Variants in CELF2 observed in about 807,000 individuals in gnomAD.
The protein encoded by CELF2 is CUGBP Elav-like family member 2, also known as CUG triplet repeat RNA-binding protein 2.
In CELF2, 8 loss-of-function variants were observed where a neutral mutation model predicts 62.6. The ratio of observed to expected loss-of-function variants is 0.13; its 90% CI spans 0.07 to 0.23. The LOEUF is 0.23. Ranked by LOEUF, CELF2 falls within the 10% of genes least tolerant of loss-of-function variation. The probability of loss-of-function intolerance (pLI) is 1.00; values close to 1 mark genes in which losing one functional copy is unlikely to be tolerated. For missense variants in CELF2, 333 were observed against 671.0 expected (o/e 0.50, Z 5.56); for synonymous variants, 258 against 250.0 (o/e 1.03, Z -0.30).
chr10:10,568,337 G>T, the CELF2 span, among the ~76,000 whole-genome samples: 2 of 152,076 alleles, frequency 1.3e-5, no homozygotes, highest in East Asian at 1.9e-4. Flanking sequence ...GAAGAAGAAA[G>T]GTCCCAGATC....
intron 1 of CELF2, among the ~76,000 whole-genome samples, chr10:11,059,074 C>T (rs535261864): frequency 1.3e-5 from 2 of 152,310 alleles, no homozygotes; most frequent in East Asian, 1.9e-4. Context: ...TGAGCCATTG[C>T]GTCTGTCCTT....
In CELF2 at chr10:11,053,122, A is replaced by C. The variant is rs187829529; in HGVS notation, c.74+34959A>C. 2.2e-3 allele frequency among the ~76,000 whole-genome samples: 341 copies of C among 152,358 alleles called. 1 individual carries two copies. Among genetic ancestry groups the C allele is most frequent in the African/African-American group, 7.4e-3 (309 of 41,596 alleles). Reference sequence around the variant, plus strand: ...ACAGGGTAAAGGAGACCTGCAGAAGAATCCAATTCATCTATGCCTTTGAAT... The same window carrying C: ...ACAGGGTAAAGGAGACCTGCAGAAGCATCCAATTCATCTATGCCTTTGAAT... On this transcript the variant is annotated intron_variant, in intron 1 of 12. Transcript: ENST00000633077.
the CELF2 span, among the ~76,000 whole-genome samples, chr10:10,527,449 A>G: frequency 6.8e-6 from 1 of 147,720 alleles, no homozygotes; most frequent in African/African-American, 2.5e-5. Flanking sequence ...TCTGTCTCAA[A>G]AAAAAAAAAA....
chr10:11,162,690 G>C (rs1294825202), intron 1 of CELF2, among the ~76,000 whole-genome samples: 1 of 152,060 alleles, frequency 6.6e-6, no homozygotes, highest in African/African-American at 2.4e-5. Flanking sequence ...TATTATTTAG[G>C]ATAGGAATTG....
At chr10:10,516,059 A>T in the CELF2 span, among the ~76,000 whole-genome samples, 1 of 152,190 alleles carries the variant, frequency 6.6e-6, no homozygotes, top group Non-Finnish European at 1.5e-5. Flanking sequence ...TGAGGAAATG[A>T]TTCCAAGCAA....
chr10:11,161,875 A>T (rs532826097), intron 1 of CELF2, among the ~76,000 whole-genome samples: 1 of 152,308 alleles, frequency 6.6e-6, no homozygotes, highest in East Asian at 1.9e-4. Context: ...CTTAGTTTCT[A>T]GCAGGTACCT....
rs1468508974 is a variant in CELF2, at chr10:11,059,367, A to C, written c.74+41204A>C. ...CTGTACCTGATCATTTGGCCTGGTAATTTGGGAGGGTTTGAGCCATTTTAC... is the reference window on the plus strand; with the variant it reads ...CTGTACCTGATCATTTGGCCTGGTACTTTGGGAGGGTTTGAGCCATTTTAC... On this transcript the variant is annotated intron_variant, in intron 1 of 12. Coordinates refer to ENST00000633077, the MANE Select transcript of CELF2 (RefSeq NM_001326342.2). Among the ~76,000 whole-genome samples the C allele has an allele frequency of 2.0e-5, 3 of 152,048 alleles. No homozygotes were observed. The East Asian group carries it at 5.8e-4, about 29-fold the overall frequency.
At chr10:10,975,719 C>T (rs1249831217) in intron 2 of CELF2, among the ~76,000 whole-genome samples, 1 of 152,230 alleles carries the variant, frequency 6.6e-6, no homozygotes, top group Non-Finnish European at 1.5e-5. Context: ...AAGGCAGATG[C>T]TGATGATGCA....
chr10:11,032,107 A>T (rs1339857935), intron 1 of CELF2, among the ~76,000 whole-genome samples: 1 of 140,674 alleles, frequency 7.1e-6, no homozygotes, highest in Admixed American at 7.7e-5. Flanking sequence ...CTGGGACATT[A>T]TATGTCTTTA....
At chr10:11,298,102 A>G (rs1365177774) in intron 9 of CELF2, among the ~76,000 whole-genome samples, 2 of 152,266 alleles carry the variant, frequency 1.3e-5, no homozygotes, top group African/African-American at 2.4e-5. Flanking sequence ...GAGAAGAGCC[A>G]GAACAAAGGG....
At chr10:11,097,096 C>G (rs1447546964) in intron 1 of CELF2, among the ~76,000 whole-genome samples, 2 of 152,154 alleles carry the variant, frequency 1.3e-5, no homozygotes, top group Admixed American at 6.5e-5. Context: ...TTCTCCTGAT[C>G]ATGTTTTCCC....
At chr10:11,250,967 G>A (rs1260245736) in intron 4 of CELF2, among the ~76,000 whole-genome samples, 3 of 152,204 alleles carry the variant, frequency 2.0e-5, no homozygotes, top group Non-Finnish European at 4.4e-5. Context: ...CTCCAGAGGT[G>A]CGTGCTTGCA....
chr10:11,194,006 C>G (rs2056738442), intron 2 of CELF2, among the ~76,000 whole-genome samples: 1 of 152,124 alleles, frequency 6.6e-6, no homozygotes, highest in Non-Finnish European at 1.5e-5. Context: ...TTGAAACTCT[C>G]ATTTTGGTGC....
chr10:10,846,467 C>CA (rs936938351), intron 1 of CELF2, among the ~76,000 whole-genome samples: 30 of 151,482 alleles, frequency 2.0e-4, no homozygotes, highest in African/African-American at 4.8e-4. Context: ...AAATAACTTT[C>CA]AAAAAAAAAT....
At chr10:10,684,480 C>G in the CELF2 span, among the ~76,000 whole-genome samples, 1 of 152,124 alleles carries the variant, frequency 6.6e-6, no homozygotes, top group Non-Finnish European at 1.5e-5. Flanking sequence ...CAGTGGCTCA[C>G]GCCTGTAATC....
intron 1 of CELF2, among the ~76,000 whole-genome samples, chr10:10,887,532 A>C (rs2061837500): frequency 6.6e-6 from 1 of 152,210 alleles, no homozygotes; most frequent in African/African-American, 2.4e-5. Context: ...TGGGAAAAAC[A>C]AATACTAATA....
At chr10:10,801,075 T>TAAA (rs57647636) in intron 1 of CELF2, among the ~76,000 whole-genome samples, 10 of 150,744 alleles carry the variant, frequency 6.6e-5, no homozygotes, top group African/African-American at 2.2e-4. Context: ...AACCCGTTTT[T>TAAA]AAAAAAAAAA....
At chr10:11,272,627 G>T (rs11597488) in intron 7 of CELF2, among the ~76,000 whole-genome samples, 75,035 of 152,104 alleles carry the variant, frequency 0.49, 19,965 homozygotes, top group Non-Finnish European at 0.61. Context: ...GGAAATCTCA[G>T]CCTGATTTAT....
chr10:10,712,496 G>A, the CELF2 span, among the ~76,000 whole-genome samples: 2 of 151,824 alleles, frequency 1.3e-5, no homozygotes, highest in South Asian at 2.1e-4. Context: ...TATAAATATT[G>A]CAAGGTTTAT....
Sources: gnomAD v4.1 joint callset for allele counts (sites outside exome capture counted in the v4.1 genomes callset) on GRCh38, gnomAD v4.1.1 for gene constraint, MANE v1.5 for transcripts, NCBI Gene and HGNC (gene_info 2026-07-23, HGNC 2026-07-21) for gene names.